Variants in TAB1 observed in about 807,000 individuals in gnomAD.
TAB1 encodes the protein TGF-beta-activated kinase 1 and MAP3K7-binding protein 1.
Under a neutral mutation model 54.5 loss-of-function variants are expected in TAB1, and 30 were observed. The ratio of observed to expected loss-of-function variants is 0.55; its 90% confidence interval spans 0.41 to 0.75. The LOEUF (loss-of-function observed/expected upper bound fraction) is 0.75, where lower values mean the gene tolerates loss of function less well. TAB1 is among the 30% of genes least tolerant of loss of function. The pLI, the probability that TAB1 is intolerant of heterozygous loss-of-function variation, is 0.00. For missense variants in TAB1, 609 were observed against 683.2 expected, an observed-to-expected ratio of 0.89 and a Z score of 1.21; for synonymous variants, 289 against 286.9, an observed-to-expected ratio of 1.01 and a Z score of -0.07.
At chr22:39,419,923 C>A (rs1926996363) in intron 7 of TAB1, among the ~76,000 whole-genome samples, 2 of 151,644 alleles carry the variant, frequency 1.3e-5, no homozygotes, top group African/African-American at 2.4e-5. Context: ...GCAGGTTAGG[C>A]CCAGCAGGCC....
downstream of TAB1, among the ~76,000 whole-genome samples, chr22:39,432,226 C>T (rs1014807934): frequency 3.9e-5 from 6 of 152,192 alleles, no homozygotes; most frequent in Non-Finnish European, 8.8e-5. Flanking sequence ...AGCCTAGGGT[C>T]TTGGTGTGTG....
intron 7 of TAB1, 58 bp downstream of exon 7, chr22:39,419,688 C>A: frequency 8.0e-7 from 1 of 1,248,456 alleles, no homozygotes; most frequent in Non-Finnish European, 1.1e-6. Flanking sequence ...CTAGGGAGGC[C>A]AAGATGGGAG....
chr22:39,433,005 C>G, downstream of TAB1: 1 of 985,420 alleles, frequency 1.0e-6, no homozygotes, highest in Non-Finnish European at 1.2e-6. Context: ...CTGCCACCGT[C>G]CACGTCCCCA....
chr22:39,417,634 A>T, intron 4 of TAB1, 77 bp from the exon 5 acceptor site: 9 of 1,379,950 alleles, frequency 6.5e-6, no homozygotes, highest in Admixed American at 2.6e-5. Flanking sequence ...AAAAAAAAAA[A>T]GAGTAAAGGG....
At chr22:39,411,949 G>A (rs1167694974) in intron 1 of TAB1, among the ~76,000 whole-genome samples, 1 of 152,224 alleles carries the variant, frequency 6.6e-6, no homozygotes, top group Admixed American at 6.5e-5. Context: ...GAGTCTTAGA[G>A]ACATAATGTT....
downstream of TAB1, chr22:39,433,168 T>G (rs1339764999): frequency 1.0e-6 from 1 of 984,992 alleles, no homozygotes; most frequent in African/African-American, 1.7e-5. Context: ...GACATCAGTC[T>G]CGGCCGGGCG....
chr22:39,412,929 T>C lies in TAB1; in HGVS notation c.34-2077T>C, dbSNP rs375923348. 2.6e-4 allele frequency among the ~76,000 whole-genome samples: 40 copies of C among 151,000 alleles called. No homozygotes were observed. The East Asian group carries it at 5.6e-3, about 21-fold the overall frequency. On this transcript the variant is annotated intron_variant, in intron 1 of 10. Coordinates refer to ENST00000216160, the MANE Select transcript of TAB1 (RefSeq NM_006116.3). Reference sequence around the variant, plus strand: ...TTTTTTTTTTTGAGATGGAGTCTTTTTTTGAGATGGAGTCTCGCTCTGTCA... The same window carrying C: ...TTTTTTTTTTTGAGATGGAGTCTTTCTTTGAGATGGAGTCTCGCTCTGTCA...
rs1003097090 is a variant in TAB1 at position 39,430,636 on chromosome 22, C to G, written c.*414C>G. The G allele has an allele frequency of 9.2e-7, 1 of 1,091,608 alleles. No homozygotes were observed. Among genetic ancestry groups the G allele is most frequent in the Admixed American group, 4.3e-5 (1 of 23,336 alleles). 67.6% of individuals were successfully genotyped at this position (1,091,608 alleles called of 1,614,324 possible). A position where few individuals can be genotyped will look rare whatever the true frequency, so the allele number is the denominator to read the frequency against. Reference sequence around the variant, plus strand: ...AAGCCCACCCCTCCTCCCACCATCACCTCCCTCACCTCGGGACAGTAGCCC... The same window carrying G: ...AAGCCCACCCCTCCTCCCACCATCAGCTCCCTCACCTCGGGACAGTAGCCC... On this transcript the variant is annotated 3_prime_UTR_variant, in exon 11 of 11. Coordinates refer to ENST00000216160, the MANE Select transcript of TAB1 (RefSeq NM_006116.3).
intron 8 of TAB1, among the ~76,000 whole-genome samples, chr22:39,424,406 C>T (rs1428613195): frequency 1.3e-5 from 2 of 150,716 alleles, no homozygotes; most frequent in Non-Finnish European, 2.9e-5. Flanking sequence ...TCTCAAGTGC[C>T]TAACTATCCC....
chr22:39,434,197 A>G (rs1053131173), downstream of TAB1, among the ~76,000 whole-genome samples: 17 of 152,246 alleles, frequency 1.1e-4, no homozygotes, highest in Admixed American at 2.6e-4. Flanking sequence ...CCCCTGCCCT[A>G]CTGATGGGGA....
Position 39,417,693 on chromosome 22 carries a change from C to T in TAB1, c.412-18C>T. 6.3e-7 allele frequency: 1 copy of T among 1,594,650 alleles called. No homozygotes were observed. Among genetic ancestry groups the T allele is most frequent in the Non-Finnish European group, 8.5e-7 (1 of 1,170,640 alleles). On this transcript the variant is annotated intron_variant, in intron 4 of 10. Transcript: ENST00000216160. ...TCCAGAGTTCTGTCCTGCCCTGACC[C>T]TCTGTTGATGGTTGTAGGGAGTCCC...
At chr22:39,407,843 A>G (rs1181183523) in intron 1 of TAB1, among the ~76,000 whole-genome samples, 1 of 151,938 alleles carries the variant, frequency 6.6e-6, no homozygotes, top group Non-Finnish European at 1.5e-5. Flanking sequence ...GATGGTCTCA[A>G]TCTCTTGACC....
chr22:39,426,591 C>T (rs1413794959), intron 8 of TAB1, 112 bp from the exon 9 acceptor site: 3 of 946,308 alleles, frequency 3.2e-6, no homozygotes, highest in Non-Finnish European at 4.6e-6. Context: ...ATTTCCTTCA[C>T]CTGCTGGGCT....
chr22:39,433,599 G>C, downstream of TAB1: 1 of 985,458 alleles, frequency 1.0e-6, no homozygotes, highest in Non-Finnish European at 1.2e-6. Context: ...ATCCTCACTA[G>C]GAGTTGTACC....
At chr22:39,401,162 G>A (rs1480745716) in intron 1 of TAB1, among the ~76,000 whole-genome samples, 2 of 151,990 alleles carry the variant, frequency 1.3e-5, no homozygotes, top group Non-Finnish European at 2.9e-5. Context: ...ATTTGTGAAA[G>A]GATGAGTAAA....
chr22:39,400,033 G>A (rs893847197), intron 1 of TAB1, among the ~76,000 whole-genome samples, 198 bp downstream of exon 1: 1 of 152,160 alleles, frequency 6.6e-6, no homozygotes, highest in Admixed American at 6.5e-5. Context: ...CCCGGCCCCC[G>A]GGTCAAGGGC....
chr22:39,418,971 G>A (rs926526218), intron 6 of TAB1, 126 bp downstream of exon 6: 1 of 748,892 alleles, frequency 1.3e-6, no homozygotes, highest in African/African-American at 1.7e-5. Context: ...CAGCCTGCCT[G>A]GGGTTCATTC....
intron 1 of TAB1, among the ~76,000 whole-genome samples, chr22:39,412,805 G>A (rs147643098): frequency 8.6e-5 from 13 of 150,746 alleles, no homozygotes; most frequent in African/African-American, 3.2e-4. Flanking sequence ...CACAGTATCT[G>A]TGTGTGTTTT....
intron 1 of TAB1, among the ~76,000 whole-genome samples, chr22:39,406,397 CAAAAA>C (rs11290078): frequency 9.5e-5 from 7 of 73,770 alleles, no homozygotes; most frequent in African/African-American, 2.3e-4. Context: ...AGACTGTCAC[CAAAAA>C]AAAAAAAAAA....
Sources: gnomAD v4.1 joint callset for allele counts (sites outside exome capture counted in the v4.1 genomes callset) on GRCh38, gnomAD v4.1.1 for gene constraint, MANE v1.5 for transcripts, NCBI Gene and HGNC (gene_info 2026-07-23, HGNC 2026-07-21) for gene names.